PIP5K1B: variants seen among roughly 807,000 people sequenced by gnomAD.
PIP5K1B encodes the protein phosphatidylinositol 4-phosphate 5-kinase type-1 beta.
In PIP5K1B, 42 loss-of-function variants were observed where a neutral mutation model predicts 67.0. The observed-to-expected ratio is 0.63, with a 90% CI of 0.49 to 0.81. PIP5K1B has a LOEUF of 0.81. PIP5K1B is among the 30% of genes least tolerant of loss of function. The probability of loss-of-function intolerance (pLI) is 0.00; values close to 1 mark genes in which losing one functional copy is unlikely to be tolerated. For missense variants in PIP5K1B, 459 were observed against 646.3 expected (o/e 0.71, Z 3.14); for synonymous variants, 214 against 231.4 (o/e 0.92, Z 0.68).
intron 4 of PIP5K1B, among the ~76,000 whole-genome samples, chr9:68,825,797 G>GGGAA (rs1833948061): frequency 6.6e-6 from 1 of 152,178 alleles, no homozygotes; most frequent in Admixed American, 6.5e-5. Flanking sequence ...GAGTTCAAAA[G>GGGAA]GGAAGAAACC....
intron 1 of PIP5K1B, among the ~76,000 whole-genome samples, chr9:68,734,272 T>C (rs1478076090): frequency 6.6e-6 from 1 of 152,208 alleles, no homozygotes; most frequent in Non-Finnish European, 1.5e-5. Flanking sequence ...ACTACAGTGT[T>C]GTTGAGGAAA....
At chr9:68,772,038 C>A (rs1278141247) in intron 2 of PIP5K1B, among the ~76,000 whole-genome samples, 7 of 152,196 alleles carry the variant, frequency 4.6e-5, no homozygotes, top group Non-Finnish European at 8.8e-5. Flanking sequence ...TGCCCGCTTT[C>A]TCCATAATAC....
At chr9:68,722,179 A>G (rs970854954) in intron 1 of PIP5K1B, among the ~76,000 whole-genome samples, 2 of 151,792 alleles carry the variant, frequency 1.3e-5, no homozygotes, top group Admixed American at 6.6e-5. Context: ...GTCTCCCCCA[A>G]CCAAAACCTA....
At position 68,751,175 on chromosome 9, in the gene PIP5K1B, G is replaced by A. The variant is rs185118708; in HGVS notation, c.-86+8518G>A. 1.2e-3 allele frequency among the ~76,000 whole-genome samples: 185 copies of A among 152,286 alleles called. 1 individual carries two copies. Among genetic ancestry groups the A allele is most frequent in the African/African-American group, 4.2e-3 (174 of 41,552 alleles). ...CTCTAAGCCTCAGTATTGTTATAAC[G>A]GTTGTAAGGTTCAAATGAAATAATG... On this transcript the variant is annotated intron_variant, in intron 2 of 15. Transcript: ENST00000265382.
chr9:68,710,675 G>T (rs914216629), intron 1 of PIP5K1B, among the ~76,000 whole-genome samples: 1 of 152,220 alleles, frequency 6.6e-6, no homozygotes, highest in Non-Finnish European at 1.5e-5. Flanking sequence ...GGACAAGGTT[G>T]CATGTTCAGT....
At chr9:68,780,786 A>G in intron 2 of PIP5K1B, 1 of 1,614,246 alleles carries the variant, frequency 6.2e-7, no homozygotes, top group Non-Finnish European at 8.5e-7. Context: ...AAAATGTGAA[A>G]TGGAAACTGA....
chr9:68,979,956 G>T (rs1396545196), intron 14 of PIP5K1B, among the ~76,000 whole-genome samples: 1 of 152,230 alleles, frequency 6.6e-6, no homozygotes, highest in Non-Finnish European at 1.5e-5. Flanking sequence ...CTGTATGGTG[G>T]CAGGCGGCTA....
At chr9:68,778,635 A>T (rs901009739) in intron 2 of PIP5K1B, among the ~76,000 whole-genome samples, 1 of 152,162 alleles carries the variant, frequency 6.6e-6, no homozygotes, top group Admixed American at 6.5e-5. Flanking sequence ...TCCTGAATTC[A>T]TCCTTCTGCC....
chr9:68,815,872 CT>C (rs1236914773), intron 2 of PIP5K1B, among the ~76,000 whole-genome samples: 1 of 151,664 alleles, frequency 6.6e-6, no homozygotes, highest in East Asian at 1.9e-4. Flanking sequence ...TTATATTTCA[CT>C]TTATTTAAAA....
intron 1 of PIP5K1B, among the ~76,000 whole-genome samples, chr9:68,737,037 T>C (rs1828772788): frequency 6.6e-6 from 1 of 152,328 alleles, no homozygotes; most frequent in Non-Finnish European, 1.5e-5. Context: ...TTCTTTTCTT[T>C]CAGATTGTGT....
chr9:68,893,471 T>G (rs1010249978), intron 7 of PIP5K1B, among the ~76,000 whole-genome samples: 1 of 151,362 alleles, frequency 6.6e-6, no homozygotes, highest in Admixed American at 6.6e-5. Flanking sequence ...GTAGCTGGGA[T>G]TACAGGCATG....
At chr9:68,778,142 A>G (rs368185915) in intron 2 of PIP5K1B, among the ~76,000 whole-genome samples, 2 of 152,346 alleles carry the variant, frequency 1.3e-5, no homozygotes, top group Admixed American at 6.5e-5. Flanking sequence ...AGAAAAAACA[A>G]TACAGGTTTT....
intron 1 of PIP5K1B, among the ~76,000 whole-genome samples, chr9:68,724,696 G>C (rs1170844997): frequency 1.3e-5 from 2 of 151,764 alleles, no homozygotes; most frequent in Non-Finnish European, 2.9e-5. Flanking sequence ...ATTGTAAGTG[G>C]GGTTGCTTTC....
intron 2 of PIP5K1B, among the ~76,000 whole-genome samples, chr9:68,795,695 T>G (rs572200658): frequency 1.3e-5 from 2 of 152,182 alleles, no homozygotes; most frequent in Non-Finnish European, 2.9e-5. Context: ...AGGGAAATGG[T>G]GTTGCAATTT....
chr9:68,709,026 T>C (rs1392010534), intron 1 of PIP5K1B, among the ~76,000 whole-genome samples: 1 of 152,168 alleles, frequency 6.6e-6, no homozygotes, highest in African/African-American at 2.4e-5. Context: ...CCAAGATCAA[T>C]GTGGAATTCT....
At chr9:68,748,778 G>A (rs80331715) in intron 2 of PIP5K1B, among the ~76,000 whole-genome samples, 4,079 of 151,952 alleles carry the variant, frequency 0.027, 179 homozygotes, top group African/African-American at 0.093. Flanking sequence ...GTGCCACCAC[G>A]CCCTGCTATT....
chr9:68,741,092 C>G (rs996052399), intron 1 of PIP5K1B, among the ~76,000 whole-genome samples: 1 of 152,204 alleles, frequency 6.6e-6, no homozygotes, highest in African/African-American at 2.4e-5. Context: ...TATATCTACT[C>G]TTTCATTCTC....
At chr9:68,735,269 A>G (rs1828668527) in intron 1 of PIP5K1B, among the ~76,000 whole-genome samples, 1 of 135,380 alleles carries the variant, frequency 7.4e-6, no homozygotes, top group Non-Finnish European at 1.6e-5. Context: ...TAATTTTGAT[A>G]TACTACTGTT....
intron 12 of PIP5K1B, among the ~76,000 whole-genome samples, chr9:68,932,984 C>T (rs1054705024): frequency 2.6e-5 from 4 of 151,884 alleles, no homozygotes; most frequent in Non-Finnish European, 2.9e-5. Flanking sequence ...CCTGTAATCC[C>T]AGCTACTCAG....
Sources: allele counts gnomAD v4.1 joint callset (sites outside exome capture counted in the v4.1 genomes callset), GRCh38; gene constraint gnomAD v4.1.1; transcripts MANE v1.5; gene names NCBI Gene and HGNC (gene_info 2026-07-23, HGNC 2026-07-21).